Variants in WFDC1 observed in about 807,000 individuals in gnomAD.
The protein encoded by WFDC1 is WAP four-disulfide core domain protein 1.
Under a neutral mutation model 32.9 loss-of-function variants are expected in WFDC1, and 39 were observed. The ratio of observed to expected loss-of-function variants is 1.19; its 90% CI spans 0.92 to 1.55. The LOEUF is 1.55. Among genes scored for constraint, WFDC1 ranks in the 40% most tolerant of loss-of-function variants. The probability of loss-of-function intolerance (pLI) is 0.00; values close to 1 mark genes in which losing one functional copy is unlikely to be tolerated. For missense variants in WFDC1, 386 were observed against 309.5 expected (o/e 1.25, Z -1.85); for synonymous variants, 184 against 137.4 (o/e 1.34, Z -2.37).
At chr16:84,311,697 T>TTTA (rs1907637933) in intron 1 of WFDC1, among the ~76,000 whole-genome samples, 1 of 140,316 alleles carries the variant, frequency 7.1e-6, no homozygotes, top group Non-Finnish European at 1.6e-5. Flanking sequence ...CCTGACTGCT[T>TTTA]TTTTTTTTTT....
intron 1 of WFDC1, among the ~76,000 whole-genome samples, chr16:84,303,106 C>T (rs531629793): frequency 2.6e-5 from 4 of 151,640 alleles, no homozygotes; most frequent in Admixed American, 2.6e-4. Context: ...TGTTAAGGGC[C>T]CCGGGCACCA....
chr16:84,319,649 G>A, intron 4 of WFDC1, 78 bp downstream of exon 4: 1 of 1,548,652 alleles, frequency 6.5e-7, no homozygotes, highest in Admixed American at 1.8e-5. Context: ...CACCCGCATG[G>A]ACGACCTGCC....
chr16:84,298,724 G>T (rs896354626), intron 1 of WFDC1, among the ~76,000 whole-genome samples: 5 of 152,196 alleles, frequency 3.3e-5, no homozygotes, highest in Admixed American at 2.6e-4. Context: ...TAGCGGACTG[G>T]TCTCTTAGAG....
intron 1 of WFDC1, among the ~76,000 whole-genome samples, chr16:84,308,849 A>G (rs1420242213): frequency 6.6e-6 from 1 of 151,442 alleles, no homozygotes; most frequent in Non-Finnish European, 1.5e-5. Flanking sequence ...CTGGGTGTAG[A>G]TGCCAGCCTG....
intron 6 of WFDC1, chr16:84,328,393 A>T (rs1908726743): frequency 6.6e-6 from 1 of 152,274 alleles, no homozygotes; most frequent in African/African-American, 2.4e-5. Flanking sequence ...CACAGAGGGC[A>T]AAAAGGAGCC....
chr16:84,318,485 T>A (rs1908096896), intron 3 of WFDC1, 130 bp downstream of exon 3: 1 of 818,312 alleles, frequency 1.2e-6, no homozygotes, highest in African/African-American at 1.7e-5. Context: ...CACTCAGCCC[T>A]CTTTGATCCT....
chr16:84,306,554 A>T (rs1907270139), intron 1 of WFDC1, among the ~76,000 whole-genome samples: 1 of 152,220 alleles, frequency 6.6e-6, no homozygotes, highest in African/African-American at 2.4e-5. Context: ...CCCCTAATTC[A>T]CATCCGCATT....
chr16:84,309,791 C>T (rs1907501406), intron 1 of WFDC1, among the ~76,000 whole-genome samples: 1 of 151,992 alleles, frequency 6.6e-6, no homozygotes, highest in Admixed American at 6.6e-5. Context: ...GCCATCTCTG[C>T]CTCCCTCTTC....
chr16:84,314,535 G>A (rs1446212606), intron 2 of WFDC1, among the ~76,000 whole-genome samples: 1 of 152,298 alleles, frequency 6.6e-6, no homozygotes, highest in East Asian at 1.9e-4. Context: ...AGGAGAGTCA[G>A]AGATGGCAAG....
At chr16:84,296,641 C>G (rs76154154) in intron 1 of WFDC1, among the ~76,000 whole-genome samples, 1 of 152,150 alleles carries the variant, frequency 6.6e-6, no homozygotes, top group East Asian at 1.9e-4. Flanking sequence ...TCGGCACATG[C>G]TCGTGGCGGG....
At chr16:84,312,101 G>T (rs62050692) in intron 1 of WFDC1, among the ~76,000 whole-genome samples, 1 of 152,148 alleles carries the variant, frequency 6.6e-6, no homozygotes, top group African/African-American at 2.4e-5. Context: ...GGAGGTGGAG[G>T]TTGTGGTGAG....
rs577498948 is a variant in WFDC1 at position 84,312,843 on chromosome 16, C to G, written c.145-118C>G. 1.5e-5 allele frequency: 8 copies of G among 547,938 alleles called. No homozygotes were observed. In the East Asian group the frequency reaches 3.3e-4, roughly 22 times the overall value. 33.9% of individuals were successfully genotyped at this position (547,938 alleles called of 1,614,324 possible). A position where few individuals can be genotyped will look rare whatever the true frequency, so the allele number is the denominator to read the frequency against. ...GGCTCTGCCTGCTTGCTGTTTCTCA[C>G]AAGAGGAAACGCAGGCTCAGAGAGG... is the stretch of plus-strand genomic sequence containing the variant. On this transcript the variant is annotated intron_variant, in intron 1 of 6. Coordinates refer to ENST00000219454, the MANE Select transcript of WFDC1 (RefSeq NM_021197.4).
At chr16:84,320,510 A>C (rs143036424) in intron 4 of WFDC1, among the ~76,000 whole-genome samples, 1 of 152,354 alleles carries the variant, frequency 6.6e-6, no homozygotes, top group East Asian at 1.9e-4. Context: ...TGTTGCTCTC[A>C]TTGGCATAAT....
chr16:84,301,891 G>T (rs1225868878), intron 1 of WFDC1, among the ~76,000 whole-genome samples: 2 of 152,198 alleles, frequency 1.3e-5, no homozygotes, highest in African/African-American at 2.4e-5. Context: ...AAGCATCCCA[G>T]GTCCCTGTGT....
intron 3 of WFDC1, chr16:84,319,193 G>A (rs1597688969): frequency 1.8e-6 from 1 of 554,116 alleles, no homozygotes; most frequent in Non-Finnish European, 3.2e-6. Flanking sequence ...GTATGTTTGG[G>A]ATCAGGTGAG....
At chr16:84,312,058 G>T (rs946279483) in intron 1 of WFDC1, among the ~76,000 whole-genome samples, 3 of 152,004 alleles carry the variant, frequency 2.0e-5, no homozygotes, top group African/African-American at 4.8e-5. Context: ...CCAGCTACTC[G>T]GGAGGCTGAG....
At chr16:84,305,691 T>G (rs1391689302) in intron 1 of WFDC1, among the ~76,000 whole-genome samples, 1 of 152,090 alleles carries the variant, frequency 6.6e-6, no homozygotes, top group African/African-American at 2.4e-5. Flanking sequence ...GACGAGAGGC[T>G]TCTGAGTCCA....
chr16:84,299,506 G>T (rs890983429), intron 1 of WFDC1, among the ~76,000 whole-genome samples: 1 of 152,216 alleles, frequency 6.6e-6, no homozygotes, highest in Non-Finnish European at 1.5e-5. Flanking sequence ...CGGTTCTGTG[G>T]ACTTGGTGTT....
chr16:84,303,721 T>G (rs1402202246), intron 1 of WFDC1, among the ~76,000 whole-genome samples: 1 of 152,192 alleles, frequency 6.6e-6, no homozygotes, highest in African/African-American at 2.4e-5. Context: ...TACAATTCAG[T>G]GGTGTTTAGT....
Sources: gnomAD v4.1 joint callset for allele counts (sites outside exome capture counted in the v4.1 genomes callset) on GRCh38, gnomAD v4.1.1 for gene constraint, MANE v1.5 for transcripts, NCBI Gene and HGNC (gene_info 2026-07-23, HGNC 2026-07-21) for gene names.